Variants in PLXNA3 observed in about 807,000 individuals in gnomAD.
The protein encoded by PLXNA3 is plexin-A3.
PLXNA3 carries 52 observed loss-of-function variants against 118.8 expected under a neutral mutation model. The observed-to-expected ratio is 0.44, with a 90% CI of 0.35 to 0.55. PLXNA3 has a LOEUF of 0.55. Ranked by LOEUF, PLXNA3 falls within the 20% of genes least tolerant of loss-of-function variation. The pLI is 0.01. For missense variants in PLXNA3, 1,660 were observed against 1,730.8 expected, an observed-to-expected ratio of 0.96 and a Z score of 0.73; for synonymous variants, 925 against 762.4, an observed-to-expected ratio of 1.21 and a Z score of -3.51.
intron 4 of PLXNA3, among the ~76,000 whole-genome samples, chrX:154,462,936 G>A (rs1167180986): frequency 3.6e-5 from 4 of 111,502 alleles, no homozygotes; most frequent in South Asian, 7.5e-4. Flanking sequence ...TGGTCTGGGG[G>A]CGCAGGGAAG....
chrX:154,462,466 C>T (rs905408356), intron 4 of PLXNA3, among the ~76,000 whole-genome samples, 156 bp downstream of exon 4: 1 of 111,979 alleles, frequency 8.9e-6, no homozygotes, highest in Non-Finnish European at 1.9e-5. Context: ...AGGCGCCTGG[C>T]CCTGCTCCTC....
Position 154,472,762 on chromosome X carries a change from T to C in PLXNA3, c.*77T>C. 3 of 774,947 alleles carry C rather than the reference T, an allele frequency of 3.9e-6. No individual in the cohort carries two copies. The highest frequency in any genetic ancestry group is 4.0e-6 in the Non-Finnish European group (2 of 503,554). 63.9% of individuals were successfully genotyped at this position (774,947 alleles called of 1,213,427 possible). ...TCCAGGGGAGTGGCTGGCTCAAGCCTGGGTCCCCGGGCTGAGCCCTGGATT... is the reference window on the plus strand; with the variant it reads ...TCCAGGGGAGTGGCTGGCTCAAGCCCGGGTCCCCGGGCTGAGCCCTGGATT... On this transcript the variant is annotated 3_prime_UTR_variant, in exon 33 of 33. Transcript: ENST00000369682.
intron 4 of PLXNA3, 83 bp downstream of exon 4, chrX:154,462,393 C>T (rs1205881113): frequency 1.3e-6 from 1 of 776,297 alleles, no homozygotes; most frequent in Non-Finnish European, 1.8e-6. Flanking sequence ...CGGGAGAGCT[C>T]TGAGGACAGG....
chrX:154,459,451 AT>A (rs1182635845), intron 1 of PLXNA3, among the ~76,000 whole-genome samples: 4 of 112,210 alleles, frequency 3.6e-5, no homozygotes, highest in African/African-American at 1.3e-4. Flanking sequence ...CCCCCTGTAC[AT>A]TCCCTTCTCC....
At position 154,466,561 on chromosome X, in the gene PLXNA3, G is replaced by A. The variant is rs201069671; in HGVS notation, c.2936+49G>A. ...TGGGTTGGGCATCGTGTGGGGGGCC[G>A]TGGGGACGGGTGGCTGAGGGCCCTG... On this transcript the variant is annotated intron_variant, in intron 16 of 32. Coordinates refer to ENST00000369682, the MANE Select transcript of PLXNA3 (RefSeq NM_017514.5). 2.2e-4 allele frequency: 266 copies of A among 1,187,205 alleles called. No homozygotes were observed. In the African/African-American group the frequency reaches 3.2e-3, roughly 14 times the overall value.
chrX:154,470,328 T>C (rs2069165394), intron 29 of PLXNA3, 114 bp from the exon 30 acceptor site: 1 of 939,161 alleles, frequency 1.1e-6, no homozygotes, highest in African/African-American at 1.9e-5. Context: ...GAGAGACCAC[T>C]GGCCCTGTAG....
chrX:154,471,004 C>G, intron 30 of PLXNA3, 101 bp from the exon 31 acceptor site: 1 of 649,432 alleles, frequency 1.5e-6, no homozygotes, highest in Non-Finnish European at 2.4e-6. Context: ...CACCTCTGGA[C>G]AAGATGTGAG....
rs781973876 is a variant in PLXNA3 at position 154,466,009 on chromosome X, C to T, written c.2607C>T (p.Ser869=). 2.5e-6 allele frequency: 3 copies of T among 1,210,842 alleles called. No individual in the cohort carries two copies. Among genetic ancestry groups the T allele is most frequent in the Non-Finnish European group, 3.4e-6 (3 of 894,869 alleles). The change falls in exon 14 of 33, where the codon TCC becomes TCT. Residue 869 remains serine, a synonymous_variant. Coordinates refer to ENST00000369682, the MANE Select transcript of PLXNA3 (RefSeq NM_017514.5). ...TGGGTGAGAACCTGGGCCTCTTGTCCCGAGAGGTGGGCCTGCGGGTGGCTG... is the reference window on the plus strand; with the variant it reads ...TGGGTGAGAACCTGGGCCTCTTGTCTCGAGAGGTGGGCCTGCGGGTGGCTG... ...TIVGENLGLL[S]REVGLRVAGV...
At position 154,465,488 on chromosome X, in the gene PLXNA3, A is replaced by G. The variant is rs782770055; in HGVS notation, c.2309A>G (p.Asp770Gly). The change falls in exon 12 of 33, where the codon GAC becomes GGC. Residue 770 changes from aspartate (D) to glycine (G), a missense_variant. By Grantham distance (94) the Asp-to-Gly change is moderately conservative. Transcript: ENST00000369682. ...GACTTTTCCGTGGTCTGGGATGGAG[A>G]CTTCCCCATAGACAAGCCTCCCAGC... is the stretch of plus-strand genomic sequence containing the variant. ...ELDFSVVWDG[D>G]FPIDKPPSFR... is the part of the protein sequence containing the mutation. 8.3e-7 allele frequency: 1 copy of G among 1,205,237 alleles called. No individual in the cohort carries two copies. Among genetic ancestry groups the G allele is most frequent in the Non-Finnish European group, 1.1e-6 (1 of 891,127 alleles).
Position 154,469,494 on chromosome X carries a change from G to T in PLXNA3, c.4698+12G>T, listed in dbSNP as rs781939651. On this transcript the variant is annotated intron_variant, in intron 27 of 32. Coordinates refer to ENST00000369682, the MANE Select transcript of PLXNA3 (RefSeq NM_017514.5). ...TGGCCCACTACCAGGTGAGGGGTTG[G>T]GGCCCATTCCTCCCCAGGGCCACCT... 1.0e-4 allele frequency: 121 copies of T among 1,169,972 alleles called. No homozygotes were observed. The highest frequency in any genetic ancestry group is 1.0e-5 in the Non-Finnish European group (9 of 859,538).
Position 154,471,584 on chromosome X carries a change from C to G in PLXNA3, c.5466C>G (p.Ser1822Arg). Residue 1822 changes from serine (S) to arginine (R), a missense_variant, in exon 32 of 33, where the codon AGC becomes AGG. This residue lies in a region of PLXNA3 where 869 missense variants were observed against 1,078.7 expected (regional missense o/e 0.81). Transcript: ENST00000369682. The part of the protein sequence containing the change: ...EQSRLHASDF[S>R]VLSALNELYF... ...CCCGCCTCCACGCCAGCGACTTCAG[C>G]GTCCTGAGTGCGCTCAACGAGCTGT... 1 of 1,210,739 alleles carries G rather than the reference C, an allele frequency of 8.3e-7. No homozygotes were observed.
At chrX:154,464,968 G>A in intron 10 of PLXNA3, 50 bp from the exon 11 acceptor site, 2 of 1,098,312 alleles carry the variant, frequency 1.8e-6, no homozygotes, top group Non-Finnish European at 2.5e-6. Context: ...TCCAGGTTGG[G>A]CCTGGAGAAG....
intron 12 of PLXNA3, 59 bp from the exon 13 acceptor site, chrX:154,465,598 C>T: frequency 1.1e-5 from 13 of 1,170,795 alleles, no homozygotes; most frequent in Non-Finnish European, 1.5e-5. Context: ...CCTAGTGCTC[C>T]CCACTTTCCA....
chrX:154,460,898 G>A (rs925779571), intron 2 of PLXNA3, 121 bp downstream of exon 2: 40 of 640,519 alleles, frequency 6.2e-5, no homozygotes, highest in Middle Eastern at 7.3e-4. Flanking sequence ...GACAGGTTGC[G>A]GAGGGTGGGA....
At chrX:154,459,144 G>A (rs2068891492) in intron 1 of PLXNA3, among the ~76,000 whole-genome samples, 1 of 102,721 alleles carries the variant, frequency 9.7e-6, no homozygotes, top group African/African-American at 4.0e-5. Flanking sequence ...TCCTTGGTTT[G>A]GTTCCCTGCA....
Position 154,464,172 on chromosome X carries a change from C to A in PLXNA3, c.1687C>A (p.His563Asn). 8.3e-7 allele frequency: 1 copy of A among 1,209,192 alleles called. No individual in the cohort carries two copies. Among genetic ancestry groups the A allele is most frequent in the Non-Finnish European group, 1.1e-6 (1 of 894,345 alleles). Reference sequence around the variant, plus strand: ...CTTCCCCCAGCTGACCGTCACCCTGCACAACGTGCCAGACCTCAGTGCGGG... The same window carrying A: ...CTTCCCCCAGCTGACCGTCACCCTGAACAACGTGCCAGACCTCAGTGCGGG... ...SPGVQLTVTLHNVPDLSAGVS... is the reference protein window; with the variant it reads ...SPGVQLTVTLNNVPDLSAGVS... The change falls in exon 8 of 33, where the codon CAC (histidine) becomes AAC (asparagine). Residue 563 changes from histidine to asparagine, a missense_variant. His to Asn is a moderately conservative substitution (Grantham distance 68). Transcript: ENST00000369682.
In PLXNA3 at chrX:154,465,165, C is replaced by T; in HGVS notation, c.2191C>T (p.Arg731Trp). Residue 731 changes from arginine to tryptophan, a missense_variant, in exon 11 of 33, where the codon CGG becomes TGG. Physicochemically the swap from Arg to Trp is moderately radical, Grantham distance 101. Coordinates refer to ENST00000369682, the MANE Select transcript of PLXNA3 (RefSeq NM_017514.5). ...GGTGCGGGTGCAGGGGCGGCAGCAG[C>T]GGGTGCCTGCCGTGCGCTTCAACAG... ...CVVRVQGRQQ[R>W]VPAVRFNSSS... The T allele has an allele frequency of 1.7e-6, 2 of 1,210,128 alleles. No individual in the cohort carries two copies. The highest frequency in any genetic ancestry group is 2.6e-4 in the Middle Eastern group (1 of 3,835).
At chrX:154,463,735 G>A in intron 6 of PLXNA3, 45 bp downstream of exon 6, 1 of 1,045,388 alleles carries the variant, frequency 9.6e-7, no homozygotes, top group East Asian at 3.3e-5. Context: ...GGCCCCACTG[G>A]CCAGGGGGAG....
In PLXNA3 at chrX:154,469,586, T is replaced by G. The variant is rs1043618140; in HGVS notation, c.4699-102T>G. On this transcript the variant is annotated intron_variant, in intron 27 of 32. Transcript: ENST00000369682. ...GCAGTGGCCCTGGCTCCCCTCGCCCTTCTCCCTGGGCTCGTGGGCTCCCCT... is the reference window on the plus strand; with the variant it reads ...GCAGTGGCCCTGGCTCCCCTCGCCCGTCTCCCTGGGCTCGTGGGCTCCCCT... The G allele has an allele frequency of 5.3e-6, 5 of 942,470 alleles. No homozygotes were observed. In the African/African-American group the frequency reaches 9.6e-5, roughly 18 times the overall value. 77.7% of individuals were successfully genotyped at this position (942,470 alleles called of 1,213,427 possible). A position where few individuals can be genotyped will look rare whatever the true frequency, so the allele number is the denominator to read the frequency against.
Sources: gnomAD v4.1 joint callset for allele counts (sites outside exome capture counted in the v4.1 genomes callset) on GRCh38, gnomAD v4.1.1 for gene constraint, gnomAD v4.1.1 regional missense constraint, MANE v1.5 for transcripts, NCBI Gene and HGNC (gene_info 2026-07-23, HGNC 2026-07-21) for gene names.